The following MYO1C variants were observed in gnomAD, a reference collection of about 807,000 sequenced individuals.
MYO1C encodes the protein unconventional myosin-Ic.
Under a neutral mutation model 150.8 loss-of-function variants are expected in MYO1C, and 104 were observed. The ratio of observed to expected loss-of-function variants is 0.69; its 90% CI spans 0.59 to 0.81. MYO1C has a LOEUF of 0.81. MYO1C is among the 30% of genes least tolerant of loss of function. MYO1C has a pLI of 0.00. For synonymous variants in MYO1C, 663 were observed against 579.9 expected (o/e 1.14, Z -2.06); for missense variants, 1,504 against 1,435.0 (o/e 1.05, Z -0.78).
intron 1 of MYO1C, chr17:1,491,630 G>A: frequency 1.0e-6 from 1 of 981,242 alleles, no homozygotes; most frequent in Non-Finnish European, 1.2e-6. Context: ...GGGCGGGGCC[G>A]GGCTGGGCGG....
intron 31 of MYO1C, among the ~76,000 whole-genome samples, chr17:1,466,341 A>G (rs985338720): frequency 6.6e-6 from 1 of 151,066 alleles, no homozygotes; most frequent in South Asian, 2.1e-4. Flanking sequence ...TTTTGTATAC[A>G]AATTCTGAGA....
At chr17:1,470,044 T>C (rs1022345561) in intron 24 of MYO1C, 131 bp downstream of exon 24, 4 of 990,908 alleles carry the variant, frequency 4.0e-6, no homozygotes, top group Non-Finnish European at 5.8e-6. Context: ...AAAGAGACCT[T>C]ACTTTTCACT....
Position 1,479,354 on chromosome 17 carries a change from C to G in MYO1C, c.1092+77G>C. The G allele has an allele frequency of 5.0e-6, 4 of 794,736 alleles. No homozygotes were observed. The South Asian group carries it at 5.8e-5, about 11-fold the overall frequency. 49.2% of individuals were successfully genotyped at this position (794,736 alleles called of 1,614,324 possible). On this transcript the variant is annotated intron_variant, in intron 9 of 31. Transcript: ENST00000648651. This position sits in a 1 kb window ranked among gnomAD's most constrained non-coding sequence, Gnocchi z 4.2. ...CTCCAGCATTGCTGAGGGAACCAGGCGAAGGGGAGTGATGGGAGTAGGGGC... is the reference window on the plus strand; with the variant it reads ...CTCCAGCATTGCTGAGGGAACCAGGGGAAGGGGAGTGATGGGAGTAGGGGC...
chr17:1,492,179 G>C, intron 1 of MYO1C: 1 of 566,806 alleles, frequency 1.8e-6, no homozygotes, highest in Admixed American at 3.0e-5. Context: ...ACTGAGGTTC[G>C]GGAAGCCGGG....
chr17:1,476,561 C>A (rs1598333498), intron 14 of MYO1C, among the ~76,000 whole-genome samples: 1 of 152,186 alleles, frequency 6.6e-6, no homozygotes, highest in South Asian at 2.1e-4. Context: ...AGCTCGGCAA[C>A]CCAGATGAGA....
chr17:1,479,551 C>T lies in MYO1C; in HGVS notation c.1020+41G>A, dbSNP rs988981571. On this transcript the variant is annotated intron_variant, in intron 8 of 31. Transcript: ENST00000648651. This position sits in a 1 kb window ranked among gnomAD's most constrained non-coding sequence, Gnocchi z 4.2. ...GGTGAGGGTGCACCCCCAGCCCCCGCCCCCGCCGTCCTCCCGTCGCCCTCT... is the reference window on the plus strand; with the variant it reads ...GGTGAGGGTGCACCCCCAGCCCCCGTCCCCGCCGTCCTCCCGTCGCCCTCT... 5.8e-6 allele frequency: 8 copies of T among 1,372,580 alleles called. No individual in the cohort carries two copies. The highest frequency in any genetic ancestry group is 7.2e-6 in the Non-Finnish European group (7 of 977,962). 85.0% of individuals were successfully genotyped at this position (1,372,580 alleles called of 1,614,324 possible). A position where few individuals can be genotyped will look rare whatever the true frequency, so the allele number is the denominator to read the frequency against.
chr17:1,491,646 C>T, intron 1 of MYO1C: 1 of 980,886 alleles, frequency 1.0e-6, no homozygotes, highest in Middle Eastern at 5.2e-4. Flanking sequence ...GGCGGCGTGG[C>T]GGGCTTGGGG....
chr17:1,474,933 C>T lies in MYO1C; in HGVS notation c.1669+5G>A, dbSNP rs1162718454. The T allele has an allele frequency of 3.7e-6, 6 of 1,604,680 alleles. No homozygotes were observed. Among genetic ancestry groups the T allele is most frequent in the Non-Finnish European group, 3.4e-6 (4 of 1,175,246 alleles). On this transcript the variant is annotated splice_donor_5th_base_variant and intron_variant, in intron 15 of 31. Transcript: ENST00000648651. ...CCTGTGGGGACACAGCCCCAGGATC[C>T]TCACCGGTCACGCTGTAGGTCACCT...
Position 1,492,464 on chromosome 17 carries a change from T to C in MYO1C, c.24A>G (p.Val8=), listed in dbSNP as rs777214303. The part of the protein sequence containing the change: MALQVEL[V]PTGEIIRVVH... ...CCACGCGGATGATCTCCCCGGTGGGTACCAGCTCCACTTGCAGCGCCATTC... is the reference window on the plus strand; with the variant it reads ...CCACGCGGATGATCTCCCCGGTGGGCACCAGCTCCACTTGCAGCGCCATTC... The change falls in exon 1 of 32, where the codon GTA becomes GTG. Residue 8 remains valine (V), a synonymous_variant. Transcript: ENST00000648651. The C allele has an allele frequency of 6.2e-6, 10 of 1,606,418 alleles. No homozygotes were observed. The highest frequency in any genetic ancestry group is 7.6e-6 in the Non-Finnish European group (9 of 1,176,926).
chr17:1,478,244 G>A lies in MYO1C; in HGVS notation c.1296-52C>T. 1 of 1,587,732 alleles carries A rather than the reference G, an allele frequency of 6.3e-7. No individual in the cohort carries two copies. The highest frequency in any genetic ancestry group is 1.3e-5 in the African/African-American group (1 of 74,494). On this transcript the variant is annotated intron_variant, in intron 11 of 31. Coordinates refer to ENST00000648651, the MANE Select transcript of MYO1C (RefSeq NM_001080779.2). The surrounding 1 kb of genome is among the most constrained non-coding windows in gnomAD (Gnocchi z 6.3). ...TGGCTCAGTGGGGACACAGGACCAG[G>A]AGAGGGGAAAAGCTGGACGACGCCC...
At chr17:1,471,394 C>A (rs2074300376) in intron 19 of MYO1C, 58 bp from the exon 20 acceptor site, 1 of 1,478,014 alleles carries the variant, frequency 6.8e-7, no homozygotes, top group East Asian at 2.3e-5. Flanking sequence ...CTGGGGACCC[C>A]AATCAGCTTT....
At chr17:1,482,812 T>G in intron 4 of MYO1C, 49 bp downstream of exon 4, 1 of 1,473,908 alleles carries the variant, frequency 6.8e-7, no homozygotes, top group Non-Finnish European at 9.1e-7. Flanking sequence ...CTTCTCTCCC[T>G]GCCCCTCCCC....
intron 1 of MYO1C, chr17:1,485,116 C>T: frequency 1.6e-6 from 2 of 1,221,414 alleles, no homozygotes; most frequent in Non-Finnish European, 2.1e-6. Context: ...GGGATGGGGG[C>T]TTTACCATGG....
At position 1,478,235 on chromosome 17, in the gene MYO1C, C is replaced by A. The variant is rs751424217; in HGVS notation, c.1296-43G>T. The A allele has an allele frequency of 6.9e-6, 11 of 1,593,098 alleles. No homozygotes were observed. The Admixed American group carries it at 1.5e-4, about 22-fold the overall frequency. ...AGCCCACAGTGGCTCAGTGGGGACA[C>A]AGGACCAGGAGAGGGGAAAAGCTGG... is the stretch of plus-strand genomic sequence containing the variant. On this transcript the variant is annotated intron_variant, in intron 11 of 31. Coordinates refer to ENST00000648651, the MANE Select transcript of MYO1C (RefSeq NM_001080779.2). The surrounding 1 kb of genome is among the most constrained non-coding windows in gnomAD (Gnocchi z 6.3).
chr17:1,469,341 CGGGGTAAATACGGT>C, intron 25 of MYO1C, 176 bp downstream of exon 25: 6 of 638,240 alleles, frequency 9.4e-6, no homozygotes, highest in Non-Finnish European at 1.7e-5. Context: ...ATACGGTAGG[CGGGGTAAATACGGT>C]AGACTGGGGT....
In MYO1C at chr17:1,490,742, G is replaced by A. The variant is rs550731682; in HGVS notation, c.75+1671C>T. ...ACCAGGACCCTGCCTATGAACTCCC[G>A]AGACCCCCCTGCTGTCCCCAGTTTA... On this transcript the variant is annotated intron_variant, in intron 1 of 31. Coordinates refer to ENST00000648651, the MANE Select transcript of MYO1C (RefSeq NM_001080779.2). 1.2e-4 allele frequency among the ~76,000 whole-genome samples: 18 copies of A among 151,950 alleles called. 1 individual carries two copies. The South Asian group carries it at 3.3e-3, about 28-fold the overall frequency.
Position 1,479,532 on chromosome 17 carries a change from G to T in MYO1C, c.1021-30C>A. 2 of 1,504,288 alleles carry T rather than the reference G, an allele frequency of 1.3e-6. No individual in the cohort carries two copies. The highest frequency in any genetic ancestry group is 9.1e-7 in the Non-Finnish European group (1 of 1,101,414). The allele number at this position is 1,504,288 out of a possible 1,614,324, so 93.2% of individuals were successfully genotyped here. ...CAAGGGCAGGCGAGGACACGGTGAG[G>T]GTGCACCCCCAGCCCCCGCCCCCGC... On this transcript the variant is annotated intron_variant, in intron 8 of 31. Coordinates refer to ENST00000648651, the MANE Select transcript of MYO1C (RefSeq NM_001080779.2). The surrounding 1 kb of genome is among the most constrained non-coding windows in gnomAD (Gnocchi z 4.2).
In MYO1C at chr17:1,474,677, G is replaced by A. The variant is rs905437936; in HGVS notation, c.1730C>T (p.Ser577Leu). The stretch of plus-strand genomic sequence containing the variant: ...GCACTGGCTCATAATGGGATTCTTT[G>A]AGCTACACATGGTCTGTGTGGGCAG... The part of the protein sequence containing the change: ...FRNLKETMCS[S>L]KNPIMSQCFD... The change falls in exon 17 of 32, where the codon TCA becomes TTA. Residue 577 changes from serine to leucine, a missense_variant. Transcript: ENST00000648651. The A allele has an allele frequency of 1.2e-6, 2 of 1,613,888 alleles. No individual in the cohort carries two copies. The highest frequency in any genetic ancestry group is 2.7e-5 in the African/African-American group (2 of 74,902).
intron 7 of MYO1C, 45 bp downstream of exon 7, chr17:1,480,482 G>T: frequency 6.9e-7 from 1 of 1,459,060 alleles, no homozygotes; most frequent in Non-Finnish European, 9.6e-7. Flanking sequence ...AGGAGATTTT[G>T]GGGGTGTGAC....
Sources: allele counts gnomAD v4.1 joint callset (sites outside exome capture counted in the v4.1 genomes callset), GRCh38; gene constraint gnomAD v4.1.1; non-coding constraint Gnocchi (gnomAD v3.1); transcripts MANE v1.5; gene names NCBI Gene and HGNC (gene_info 2026-07-23, HGNC 2026-07-21).